Variants in NEGR1 observed in about 807,000 individuals in gnomAD.
NEGR1 encodes IgLON family member 4.
Under a neutral mutation model 40.9 loss-of-function variants are expected in NEGR1, and 10 were observed. That is an observed-to-expected ratio of 0.24 (90% CI 0.15 to 0.42). The LOEUF (loss-of-function observed/expected upper bound fraction) is 0.42. Among genes scored for constraint, NEGR1 ranks in the 10% least tolerant of loss-of-function variants. The pLI is 1.00. For synonymous variants in NEGR1, 185 were observed against 166.8 expected, an observed-to-expected ratio of 1.11 and a Z score of -0.84; for missense variants, 352 against 438.9, an observed-to-expected ratio of 0.80 and a Z score of 1.77.
In NEGR1 at chr1:71,664,929, T is replaced by C. The variant is rs569842165; in HGVS notation, c.667+33079A>G. On this transcript the variant is annotated intron_variant, in intron 4 of 6. Coordinates refer to ENST00000357731, the MANE Select transcript of NEGR1 (RefSeq NM_173808.3). ...AACCTTTAATAAGAAGGTATAAACA[T>C]ACATTTTCTATTAAACCTTCCTTTG... Among the ~76,000 whole-genome samples the C allele has an allele frequency of 2.0e-5, 3 of 152,272 alleles. No homozygotes were observed. The South Asian group carries it at 6.2e-4, about 32-fold the overall frequency.
chr1:71,715,714 T>G (rs1389388545), intron 3 of NEGR1, among the ~76,000 whole-genome samples: 3 of 152,218 alleles, frequency 2.0e-5, no homozygotes, highest in African/African-American at 7.2e-5. Context: ...TTGCCTTTAT[T>G]ACAATTCCCA....
intron 5 of NEGR1, among the ~76,000 whole-genome samples, chr1:71,603,889 C>T (rs1243168262): frequency 6.6e-6 from 1 of 152,104 alleles, no homozygotes; most frequent in Non-Finnish European, 1.5e-5. Context: ...TTATTTTACT[C>T]ATGGGAACAT....
At chr1:72,059,439 T>C (rs559797124) in intron 1 of NEGR1, among the ~76,000 whole-genome samples, 1 of 151,790 alleles carries the variant, frequency 6.6e-6, no homozygotes, top group South Asian at 2.1e-4. Flanking sequence ...TGTCAAGTTG[T>C]GACTTGCCAG....
At chr1:71,540,061 C>A (rs1353724425) in intron 6 of NEGR1, among the ~76,000 whole-genome samples, 1 of 151,622 alleles carries the variant, frequency 6.6e-6, no homozygotes, top group African/African-American at 2.4e-5. Context: ...AAGTCAAAAG[C>A]GCATTGAAGA....
intron 6 of NEGR1, chr1:71,486,617 A>G (rs1305565895): frequency 1.3e-5 from 2 of 151,464 alleles, no homozygotes; most frequent in African/African-American, 2.4e-5. Flanking sequence ...TTTAGCTTCT[A>G]CTGTTAGAAA....
chr1:72,251,036 G>C (rs916745741), intron 1 of NEGR1, among the ~76,000 whole-genome samples: 2 of 152,138 alleles, frequency 1.3e-5, no homozygotes, highest in African/African-American at 4.8e-5. Flanking sequence ...GGAACCCCCA[G>C]TCGAATTCAC....
At chr1:71,476,097 T>G (rs1294180861) in intron 6 of NEGR1, among the ~76,000 whole-genome samples, 49 of 152,094 alleles carry the variant, frequency 3.2e-4, no homozygotes, top group Admixed American at 3.2e-3. Flanking sequence ...TAAAGAACAC[T>G]TAAATACTCT....
At chr1:72,220,254 T>TTC (rs534011511) in intron 1 of NEGR1, among the ~76,000 whole-genome samples, 418 of 151,028 alleles carry the variant, frequency 2.8e-3, no homozygotes, top group Middle Eastern at 0.014. Flanking sequence ...TTAAATAAAA[T>TTC]TCTCTCTCTC....
intron 1 of NEGR1, among the ~76,000 whole-genome samples, chr1:72,189,907 C>A (rs994633749): frequency 6.6e-6 from 1 of 151,478 alleles, no homozygotes; most frequent in Non-Finnish European, 1.5e-5. Context: ...ATGACTGGAC[C>A]TTGATCATTA....
At chr1:71,794,728 T>C (rs1405645933) in intron 2 of NEGR1, among the ~76,000 whole-genome samples, 1 of 152,122 alleles carries the variant, frequency 6.6e-6, no homozygotes, top group African/African-American at 2.4e-5. Context: ...AAAAGATTGG[T>C]AAATGTGACT....
chr1:71,929,911 C>G (rs1443697474), intron 2 of NEGR1, among the ~76,000 whole-genome samples: 3 of 151,950 alleles, frequency 2.0e-5, no homozygotes, highest in Non-Finnish European at 4.4e-5. Context: ...ATGTGCTAAT[C>G]TTTGGAGAAT....
intron 3 of NEGR1, among the ~76,000 whole-genome samples, chr1:71,703,699 T>C (rs1653780951): frequency 6.6e-6 from 1 of 151,582 alleles, no homozygotes; most frequent in African/African-American, 2.4e-5. Context: ...AAGAAAAAAA[T>C]ATTGTTAACT....
chr1:71,900,937 C>T lies in NEGR1; in HGVS notation c.409+34142G>A, dbSNP rs150538304. On this transcript the variant is annotated intron_variant, in intron 2 of 6. Transcript: ENST00000357731. ...GTAATAGAAAATACATCATCACCAT[C>T]GCCATCATCATCATACTAAGCAGTG... Among the ~76,000 whole-genome samples the T allele has an allele frequency of 1.7e-3, 254 of 152,264 alleles. 1 individual carries two copies. Among genetic ancestry groups the T allele is most frequent in the African/African-American group, 5.8e-3 (239 of 41,552 alleles).
At chr1:72,207,328 G>A (rs1315794953) in intron 1 of NEGR1, among the ~76,000 whole-genome samples, 1 of 151,676 alleles carries the variant, frequency 6.6e-6, no homozygotes, top group Non-Finnish European at 1.5e-5. Flanking sequence ...CAGAAGAAAG[G>A]GGCTAGGGCA....
intron 6 of NEGR1, among the ~76,000 whole-genome samples, chr1:71,448,577 C>T (rs563198212): frequency 6.6e-6 from 1 of 151,688 alleles, no homozygotes; most frequent in Non-Finnish European, 1.5e-5. Flanking sequence ...CCAGCCTGGG[C>T]GAGAGAGGGA....
rs990499804 is a variant in NEGR1 at position 71,611,104 on chromosome 1, G to A, written c.710C>T (p.Pro237Leu). The change falls in exon 5 of 7, where the codon CCC becomes CTC. Residue 237 changes from proline to leucine, a missense_variant. By Grantham distance (98) the Pro-to-Leu change is moderately conservative. Coordinates refer to ENST00000357731, the MANE Select transcript of NEGR1 (RefSeq NM_173808.3). ...ACATCTTATCAGGCCACTGCGTCCG[G>A]GGGTCACGGTGCCAGATTTAATTTC... ...IQEIKSGTVTPGRSGLIRCEG... is the reference protein window; with the variant it reads ...IQEIKSGTVTLGRSGLIRCEG... 3 of 1,613,814 alleles carry A rather than the reference G, an allele frequency of 1.9e-6. No homozygotes were observed. The highest frequency in any genetic ancestry group is 1.7e-6 in the Non-Finnish European group (2 of 1,179,870).
intron 1 of NEGR1, among the ~76,000 whole-genome samples, chr1:72,049,514 A>T (rs1036734280): frequency 6.6e-6 from 1 of 151,644 alleles, no homozygotes; most frequent in Non-Finnish European, 1.5e-5. Context: ...CTTAAAATGA[A>T]ACAAATTAAG....
intron 1 of NEGR1, among the ~76,000 whole-genome samples, chr1:72,100,317 G>C (rs1648885568): frequency 6.6e-6 from 1 of 152,232 alleles, no homozygotes; most frequent in South Asian, 2.1e-4. Context: ...GCATGTCCTT[G>C]TTTTTGCTTA....
chr1:71,808,695 T>C (rs1174468791), intron 2 of NEGR1, among the ~76,000 whole-genome samples: 1 of 152,110 alleles, frequency 6.6e-6, no homozygotes, highest in Non-Finnish European at 1.5e-5. Context: ...ATTTGTTGCA[T>C]AATATCTTCC....
Sources: allele counts gnomAD v4.1 joint callset (sites outside exome capture counted in the v4.1 genomes callset), GRCh38; gene constraint gnomAD v4.1.1; transcripts MANE v1.5; gene names NCBI Gene and HGNC (gene_info 2026-07-23, HGNC 2026-07-21).